The following LYPLAL1 variants were observed in gnomAD, a reference collection of about 807,000 sequenced individuals.
LYPLAL1 encodes the protein lysophospholipase like 1, also known as lysophospholipase-like protein 1.
Under a neutral mutation model 19.7 loss-of-function variants are expected in LYPLAL1, and 23 were observed. The ratio of observed to expected loss-of-function variants is 1.17; its 90% CI spans 0.84 to 1.65. The LOEUF (loss-of-function observed/expected upper bound fraction) is 1.65. LYPLAL1 is among the 40% of genes most tolerant of loss of function. LYPLAL1 has a pLI of 0.00. For missense variants in LYPLAL1, 355 were observed against 279.4 expected, an observed-to-expected ratio of 1.27 and a Z score of -1.93; for synonymous variants, 119 against 96.3, an observed-to-expected ratio of 1.24 and a Z score of -1.38.
the LYPLAL1 span, among the ~76,000 whole-genome samples, chr1:219,246,151 T>C: frequency 1.3e-5 from 2 of 152,048 alleles, no homozygotes; most frequent in Non-Finnish European, 2.9e-5. Context: ...CCTTGCCCCA[T>C]GAAAGAGAAT....
the LYPLAL1 span, among the ~76,000 whole-genome samples, chr1:219,382,924 C>T: frequency 3.3e-5 from 5 of 151,874 alleles, no homozygotes; most frequent in Admixed American, 3.3e-4. Flanking sequence ...AAATGCCCAC[C>T]TACTCGGTGC....
the LYPLAL1 span, among the ~76,000 whole-genome samples, chr1:219,343,853 C>G: frequency 7.2e-6 from 1 of 138,478 alleles, no homozygotes; most frequent in African/African-American, 2.6e-5. Flanking sequence ...TATCTACCCA[C>G]TATCCAACCA....
the LYPLAL1 span, among the ~76,000 whole-genome samples, chr1:219,262,566 G>C: frequency 6.6e-6 from 1 of 152,126 alleles, no homozygotes; most frequent in Admixed American, 6.6e-5. Flanking sequence ...CTAGGGATGG[G>C]GCTTCCTGAG....
chr1:219,235,701 G>A, the LYPLAL1 span, among the ~76,000 whole-genome samples: 1 of 152,142 alleles, frequency 6.6e-6, no homozygotes, highest in Non-Finnish European at 1.5e-5. Context: ...CTAAATTCAA[G>A]TATAGTCTTG....
the LYPLAL1 span, among the ~76,000 whole-genome samples, chr1:219,327,547 A>G: frequency 6.6e-6 from 1 of 152,154 alleles, no homozygotes; most frequent in Non-Finnish European, 1.5e-5. Context: ...TCTGATCAGC[A>G]ATTTTATTTG....
chr1:219,184,175 T>C (rs1406102726), intron 2 of LYPLAL1, among the ~76,000 whole-genome samples: 1 of 151,896 alleles, frequency 6.6e-6, no homozygotes, highest in Non-Finnish European at 1.5e-5. Context: ...ATACACATGG[T>C]ATGTCTCACC....
the LYPLAL1 span, among the ~76,000 whole-genome samples, chr1:219,290,102 T>A: frequency 6.6e-6 from 1 of 152,204 alleles, no homozygotes; most frequent in Non-Finnish European, 1.5e-5. Flanking sequence ...AAACAACAGG[T>A]CACCTAGGTG....
At chr1:219,433,378 T>C in the LYPLAL1 span, among the ~76,000 whole-genome samples, 1 of 152,196 alleles carries the variant, frequency 6.6e-6, no homozygotes, top group East Asian at 1.9e-4. Context: ...CTTACTAAAC[T>C]GTACACTCCT....
intron 2 of LYPLAL1, among the ~76,000 whole-genome samples, chr1:219,189,292 C>G (rs1656963408): frequency 2.0e-5 from 3 of 151,500 alleles, no homozygotes. Flanking sequence ...TAGAACAATT[C>G]AGAAGGGTAA....
At chr1:219,199,224 A>G (rs182739219) in intron 3 of LYPLAL1, among the ~76,000 whole-genome samples, 2 of 152,226 alleles carry the variant, frequency 1.3e-5, no homozygotes, top group Admixed American at 1.3e-4. Context: ...ATATCCGAAG[A>G]TAAGTTAGAA....
the LYPLAL1 span, among the ~76,000 whole-genome samples, chr1:219,415,481 T>C: frequency 1.3e-5 from 2 of 152,370 alleles, no homozygotes; most frequent in Admixed American, 1.3e-4. Flanking sequence ...GAATCACTAC[T>C]GAGTTCTGCA....
At chr1:219,379,000 A>C in the LYPLAL1 span, among the ~76,000 whole-genome samples, 3 of 152,316 alleles carry the variant, frequency 2.0e-5, no homozygotes, top group East Asian at 5.8e-4. Flanking sequence ...ATACTATTTC[A>C]ATTTTTGCTT....
At chr1:219,365,162 C>T in the LYPLAL1 span, among the ~76,000 whole-genome samples, 2 of 151,958 alleles carry the variant, frequency 1.3e-5, no homozygotes, top group African/African-American at 4.8e-5. Context: ...AATCAACTGA[C>T]TAAGAGGTAT....
At chr1:219,391,221 T>C in the LYPLAL1 span, among the ~76,000 whole-genome samples, 2 of 152,200 alleles carry the variant, frequency 1.3e-5, no homozygotes, top group Non-Finnish European at 2.9e-5. Context: ...CATTTGCTAT[T>C]GATCCTTTCT....
At chr1:219,289,078 G>T in the LYPLAL1 span, among the ~76,000 whole-genome samples, 244 of 114,798 alleles carry the variant, frequency 2.1e-3, 1 homozygote, top group East Asian at 7.0e-3. Flanking sequence ...CTCTTGTTTT[G>T]TTTTTTTTGT....
downstream of LYPLAL1, among the ~76,000 whole-genome samples, chr1:219,213,125 ATG>A (rs1184338290): frequency 6.6e-6 from 1 of 152,056 alleles, no homozygotes; most frequent in African/African-American, 2.4e-5. Flanking sequence ...TTCTAAATGA[ATG>A]TGTTAATTTT....
the LYPLAL1 span, among the ~76,000 whole-genome samples, chr1:219,319,453 A>G: frequency 3.9e-5 from 6 of 152,142 alleles, no homozygotes; most frequent in Non-Finnish European, 2.9e-5. Context: ...ATGCTAAAAG[A>G]AGCACAAAAT....
chr1:219,248,315 A>G, the LYPLAL1 span, among the ~76,000 whole-genome samples: 1 of 152,180 alleles, frequency 6.6e-6, no homozygotes, highest in African/African-American at 2.4e-5. Flanking sequence ...TTACAGACTT[A>G]TGCAAGAGGA....
the LYPLAL1 span, among the ~76,000 whole-genome samples, chr1:219,259,593 G>A: frequency 6.6e-5 from 10 of 151,356 alleles, no homozygotes; most frequent in African/African-American, 1.2e-4. Flanking sequence ...TAAGCTACAC[G>A]GACACAAAGG....
Sources: allele counts gnomAD v4.1 joint callset (sites outside exome capture counted in the v4.1 genomes callset), GRCh38; gene constraint gnomAD v4.1.1; transcripts MANE v1.5; gene names NCBI Gene and HGNC (gene_info 2026-07-23, HGNC 2026-07-21).